ANKRD6: variants seen among roughly 807,000 people sequenced by gnomAD.
ANKRD6 encodes the protein ankyrin repeat domain 6, also known as ankyrin repeat domain-containing protein 6.
A neutral mutation model predicts 82.3 loss-of-function variants in ANKRD6; 56 were observed. The ratio of observed to expected loss-of-function variants is 0.68; its 90% CI spans 0.55 to 0.85. The LOEUF (loss-of-function observed/expected upper bound fraction) is 0.85, where lower values mean the gene tolerates loss of function less well. Ranked by LOEUF, ANKRD6 falls within the 40% of genes least tolerant of loss-of-function variation. ANKRD6 has a pLI of 0.00. For missense variants in ANKRD6, 852 were observed against 907.6 expected (o/e 0.94, Z 0.79); for synonymous variants, 347 against 352.1 (o/e 0.99, Z 0.16).
intron 1 of ANKRD6, chr6:89,562,716 G>A (rs1787641879): frequency 6.6e-6 from 1 of 152,204 alleles, no homozygotes; most frequent in Non-Finnish European, 1.5e-5. Flanking sequence ...GCTTTTAGAT[G>A]TGATTTGGCC....
intron 1 of ANKRD6, among the ~76,000 whole-genome samples, chr6:89,516,056 T>G (rs78810995): frequency 0.019 from 2,898 of 152,290 alleles, 52 homozygotes; most frequent in East Asian, 0.086. Context: ...ACTTTTGGCC[T>G]CCAAAACTGT....
At chr6:89,577,793 G>C (rs1791470253) in intron 2 of ANKRD6, among the ~76,000 whole-genome samples, 1 of 152,124 alleles carries the variant, frequency 6.6e-6, no homozygotes, top group African/African-American at 2.4e-5. Flanking sequence ...CTCCAGCCTG[G>C]GCATCAGAGG....
chr6:89,596,393 C>T (rs541933247), intron 3 of ANKRD6, among the ~76,000 whole-genome samples: 1 of 152,208 alleles, frequency 6.6e-6, no homozygotes, highest in South Asian at 2.1e-4. Context: ...AAATGTGTGT[C>T]AATGACCAAA....
chr6:89,481,518 G>A (rs1001269432), intron 1 of ANKRD6, among the ~76,000 whole-genome samples: 1 of 152,130 alleles, frequency 6.6e-6, no homozygotes, highest in Non-Finnish European at 1.5e-5. Context: ...ATACTCAACC[G>A]TATAATCTAT....
intron 1 of ANKRD6, among the ~76,000 whole-genome samples, chr6:89,533,300 G>A (rs1455942660): frequency 6.6e-6 from 1 of 152,172 alleles, no homozygotes; most frequent in African/African-American, 2.4e-5. Flanking sequence ...GCCCGGAGAG[G>A]TTAGGGACTT....
At chr6:89,508,167 G>A (rs114785382) in intron 1 of ANKRD6, among the ~76,000 whole-genome samples, 2,403 of 152,192 alleles carry the variant, frequency 0.016, 71 homozygotes, top group African/African-American at 0.054. Context: ...TTAGTATTCC[G>A]TACTGTTTTT....
intron 1 of ANKRD6, among the ~76,000 whole-genome samples, chr6:89,529,975 T>G (rs966674150): frequency 2.5e-4 from 38 of 152,190 alleles, no homozygotes; most frequent in Non-Finnish European, 2.9e-5. Context: ...GTTTGAGGGC[T>G]GGGCATGGTG....
intron 1 of ANKRD6, among the ~76,000 whole-genome samples, chr6:89,483,896 C>T (rs1331897044): frequency 6.6e-6 from 1 of 151,972 alleles, no homozygotes; most frequent in African/African-American, 2.4e-5. Flanking sequence ...TAGTCCTCCT[C>T]TCTCTCTCTG....
intron 8 of ANKRD6, 74 bp downstream of exon 8, chr6:89,616,731 T>C (rs1291024992): frequency 7.1e-7 from 1 of 1,412,070 alleles, no homozygotes; most frequent in African/African-American, 1.4e-5. Flanking sequence ...ACTAAACCCC[T>C]GCAGACCCCC....
chr6:89,596,637 G>T (rs1167017986), intron 3 of ANKRD6, among the ~76,000 whole-genome samples: 2 of 152,156 alleles, frequency 1.3e-5, no homozygotes, highest in Non-Finnish European at 2.9e-5. Flanking sequence ...ATTCATTCAG[G>T]TTATCTAGAG....
intron 8 of ANKRD6, 86 bp downstream of exon 8, chr6:89,616,743 G>A: frequency 7.7e-7 from 1 of 1,302,478 alleles, no homozygotes; most frequent in East Asian, 2.3e-5. Flanking sequence ...CAGACCCCCA[G>A]GCCCAGCGCA....
chr6:89,609,177 T>C (rs1453635030), intron 5 of ANKRD6, among the ~76,000 whole-genome samples: 1 of 152,240 alleles, frequency 6.6e-6, no homozygotes, highest in East Asian at 1.9e-4. Flanking sequence ...GCTTGAGGTC[T>C]GAGAGCAGCA....
intron 1 of ANKRD6, among the ~76,000 whole-genome samples, chr6:89,542,316 C>T (rs1260833610): frequency 3.3e-5 from 5 of 152,150 alleles, no homozygotes; most frequent in Non-Finnish European, 5.9e-5. Flanking sequence ...GACACACTGT[C>T]TAGTTGCTGC....
At chr6:89,566,142 A>G (rs1449092720) in intron 1 of ANKRD6, among the ~76,000 whole-genome samples, 1 of 152,222 alleles carries the variant, frequency 6.6e-6, no homozygotes, top group African/African-American at 2.4e-5. Context: ...AGGAAGCAAC[A>G]TGACCAGCCC....
chr6:89,462,623 G>C (rs1377790778), intron 1 of ANKRD6, among the ~76,000 whole-genome samples: 1 of 152,068 alleles, frequency 6.6e-6, no homozygotes. Flanking sequence ...GATCTGAGTG[G>C]GTTTCATATG....
intron 1 of ANKRD6, among the ~76,000 whole-genome samples, chr6:89,477,762 C>T (rs1180219824): frequency 1.4e-5 from 2 of 142,662 alleles, no homozygotes; most frequent in Admixed American, 7.2e-5. Flanking sequence ...CAGAGCGAGA[C>T]TCCGTCTCAA....
At chr6:89,442,241 C>T (rs1036976865) in intron 1 of ANKRD6, among the ~76,000 whole-genome samples, 2 of 152,080 alleles carry the variant, frequency 1.3e-5, no homozygotes, top group Admixed American at 6.5e-5. Flanking sequence ...AGCAATCCAC[C>T]TGCCTTGGCT....
intron 1 of ANKRD6, among the ~76,000 whole-genome samples, chr6:89,498,850 G>A (rs1315064371): frequency 6.6e-6 from 1 of 152,196 alleles, no homozygotes; most frequent in East Asian, 1.9e-4. Flanking sequence ...TAATTATTGA[G>A]TATGAGATAT....
intron 1 of ANKRD6, among the ~76,000 whole-genome samples, chr6:89,436,513 G>A (rs1215863534): frequency 6.6e-6 from 1 of 152,154 alleles, no homozygotes; most frequent in Non-Finnish European, 1.5e-5. Context: ...CAGTCAGGGG[G>A]TCCAAAATAG....
Sources: allele counts gnomAD v4.1 joint callset (sites outside exome capture counted in the v4.1 genomes callset), GRCh38; gene constraint gnomAD v4.1.1; transcripts MANE v1.5; gene names NCBI Gene and HGNC (gene_info 2026-07-23, HGNC 2026-07-21).